The following NPHP4 variants were observed in gnomAD, a reference collection of about 807,000 sequenced individuals.
NPHP4 encodes nephrocystin-4.
In NPHP4, 151 loss-of-function variants were observed where a neutral mutation model predicts 155.8. The ratio of observed to expected loss-of-function variants is 0.97; its 90% confidence interval spans 0.85 to 1.11. The LOEUF is 1.11. NPHP4 is among the 50% of genes least tolerant of loss of function. The pLI is 0.00. For missense variants in NPHP4, 1,956 were observed against 1,925.7 expected (o/e 1.02, Z -0.29); for synonymous variants, 845 against 816.8 (o/e 1.03, Z -0.59).
chr1:5,883,792 G>A (rs1643524665), intron 18 of NPHP4, among the ~76,000 whole-genome samples: 1 of 152,202 alleles, frequency 6.6e-6, no homozygotes, highest in African/African-American at 2.4e-5. Context: ...GACTGAAGTG[G>A]GCACTGGTCT....
chr1:5,949,947 G>A (rs1460547358), intron 7 of NPHP4, among the ~76,000 whole-genome samples: 1 of 152,154 alleles, frequency 6.6e-6, no homozygotes, highest in East Asian at 1.9e-4. Context: ...GAGCCTAGGT[G>A]TCAGTCCAAG....
At chr1:5,926,125 T>C (rs1417852980) in intron 11 of NPHP4, among the ~76,000 whole-genome samples, 2 of 152,168 alleles carry the variant, frequency 1.3e-5, no homozygotes, top group Admixed American at 6.5e-5. Context: ...GTGCCGTTTA[T>C]AAAGATGGGA....
At position 5,890,266 on chromosome 1, in the gene NPHP4, G is replaced by A. The variant is rs1352300318; in HGVS notation, c.2304+602C>T. ...AAGTCTCAGGACACCATGGTAGCGT[G>A]TGAAACTGGCCCCAGTCCTTGGCCC... On this transcript the variant is annotated intron_variant, in intron 17 of 29. Transcript: ENST00000378156. This position sits in a 1 kb window ranked among gnomAD's most constrained non-coding sequence, Gnocchi z 4.9. Among the ~76,000 whole-genome samples, 1 of 152,208 alleles carries A rather than the reference G, an allele frequency of 6.6e-6. No homozygotes were observed. Among genetic ancestry groups the A allele is most frequent in the African/African-American group, 2.4e-5 (1 of 41,444 alleles).
chr1:5,903,079 C>G (rs928592434), intron 16 of NPHP4, among the ~76,000 whole-genome samples: 1 of 152,172 alleles, frequency 6.6e-6, no homozygotes, highest in Non-Finnish European at 1.5e-5. Flanking sequence ...TGCATATTCT[C>G]TAAACGGGAT....
At chr1:5,901,823 T>A (rs1351764423) in intron 16 of NPHP4, among the ~76,000 whole-genome samples, 1 of 152,214 alleles carries the variant, frequency 6.6e-6, no homozygotes, top group African/African-American at 2.4e-5. Context: ...TGATCCATTT[T>A]ACAGCCTTCT....
At chr1:5,891,353 C>T (rs889669524) in intron 16 of NPHP4, among the ~76,000 whole-genome samples, 3 of 152,216 alleles carry the variant, frequency 2.0e-5, no homozygotes, top group Non-Finnish European at 2.9e-5. Context: ...TTATTCTGGG[C>T]GTGTAGAATT....
chr1:5,924,102 T>C (rs533195649), intron 11 of NPHP4, among the ~76,000 whole-genome samples: 1 of 152,206 alleles, frequency 6.6e-6, no homozygotes, highest in South Asian at 2.1e-4. Flanking sequence ...ATGAAAAGTA[T>C]ACTGAAAAGG....
intron 6 of NPHP4, among the ~76,000 whole-genome samples, chr1:5,961,452 T>TCAGGTCACTGATATGA (rs1553193178): frequency 6.6e-6 from 1 of 152,232 alleles, no homozygotes; most frequent in Non-Finnish European, 1.5e-5. Context: ...ATCATGATCA[T>TCAGGTCACTGATATGA]CAGGTCACTG....
At position 5,887,310 on chromosome 1, in the gene NPHP4, G is replaced by A. The variant is rs776899401; in HGVS notation, c.2461C>T (p.Leu821=). The change falls in exon 18 of 30, where the codon CTG becomes TTG. Residue 821 remains leucine (L), a synonymous_variant. Transcript: ENST00000378156. ...CCCACGTTGGCCAAAGTCAGGTGCA[G>A]CCGGCCCTTCACCACCGAGTGGACG... is the stretch of plus-strand genomic sequence containing the variant. ...IGVHSVVKGR[L]HLTLANVGHP... The A allele has an allele frequency of 4.3e-6, 7 of 1,613,378 alleles. No homozygotes were observed. Among genetic ancestry groups the A allele is most frequent in the South Asian group, 2.2e-5 (2 of 91,034 alleles).
At chr1:5,989,828 G>A (rs1465799407) in intron 1 of NPHP4, among the ~76,000 whole-genome samples, 1 of 152,216 alleles carries the variant, frequency 6.6e-6, no homozygotes, top group Non-Finnish European at 1.5e-5. Flanking sequence ...CACTGCTGAA[G>A]GACGTGCATA....
At chr1:5,937,607 T>C (rs1490422453) in intron 9 of NPHP4, among the ~76,000 whole-genome samples, 1 of 151,910 alleles carries the variant, frequency 6.6e-6, no homozygotes, top group Non-Finnish European at 1.5e-5. Flanking sequence ...ATGGCGGCCG[T>C]TCTCTGGGTA....
intron 10 of NPHP4, among the ~76,000 whole-genome samples, chr1:5,928,718 A>C (rs1323344893): frequency 6.6e-6 from 1 of 152,224 alleles, no homozygotes; most frequent in Non-Finnish European, 1.5e-5. Context: ...TGATTCCTCC[A>C]ACTTTACTGT....
chr1:5,951,077 A>C (rs1647897131), intron 7 of NPHP4, among the ~76,000 whole-genome samples: 1 of 152,198 alleles, frequency 6.6e-6, no homozygotes, highest in Non-Finnish European at 1.5e-5. Flanking sequence ...TACTGTTTAG[A>C]GATGCATCGA....
chr1:5,949,370 A>ACACACACACACAC (rs55949618), intron 7 of NPHP4, among the ~76,000 whole-genome samples: 15 of 149,228 alleles, frequency 1.0e-4, no homozygotes, highest in South Asian at 2.1e-4. Context: ...ACACACACAC[A>ACACACACACACAC]ACTTGCTAAC....
rs775612958 is a variant in NPHP4, at chr1:5,865,152, G to A, written c.3766C>T (p.Gln1256Ter). ...TRLSLVLRGT[Q>*]TVRKVRAFTS... The stretch of plus-strand genomic sequence containing the variant: ...AAAGCTCTCACTTTCCTCACTGTCT[G>A]TGTCCCCCGAAGGACAAGGGACAGG... The change falls in exon 27 of 30, where the codon CAG becomes TAG. Residue 1256 changes from glutamine to a stop codon, truncating the protein, a stop_gained. Coordinates refer to ENST00000378156, the MANE Select transcript of NPHP4 (RefSeq NM_015102.5). LOFTEE classifies it high-confidence loss of function. 4 of 1,613,562 alleles carry A rather than the reference G, an allele frequency of 2.5e-6. No individual in the cohort carries two copies. The highest frequency in any genetic ancestry group is 3.4e-6 in the Non-Finnish European group (4 of 1,179,832).
chr1:5,880,463 T>G (rs1172952477), intron 18 of NPHP4: 1 of 528,476 alleles, frequency 1.9e-6, no homozygotes, highest in Non-Finnish European at 3.4e-6. Flanking sequence ...GCCGTGTCAG[T>G]GGCAGCCTCC....
intron 16 of NPHP4, among the ~76,000 whole-genome samples, chr1:5,893,295 G>GC (rs1644231710): frequency 6.6e-6 from 1 of 152,104 alleles, no homozygotes; most frequent in African/African-American, 2.4e-5. Context: ...CCACCAATGC[G>GC]CAGAGACCGG....
chr1:5,873,166 C>G, intron 23 of NPHP4, 86 bp downstream of exon 23: 1 of 1,227,330 alleles, frequency 8.1e-7, no homozygotes, highest in Non-Finnish European at 1.2e-6. Flanking sequence ...CCCTCCCCTC[C>G]AGGAGGGGAG....
intron 1 of NPHP4, among the ~76,000 whole-genome samples, chr1:5,991,809 G>A (rs949551940): frequency 3.9e-5 from 6 of 152,088 alleles, no homozygotes; most frequent in African/African-American, 1.4e-4. Flanking sequence ...GGCGCGGCCA[G>A]GCGGGGTCCG....
Sources: allele counts gnomAD v4.1 joint callset (sites outside exome capture counted in the v4.1 genomes callset), GRCh38; gene constraint gnomAD v4.1.1; non-coding constraint Gnocchi (gnomAD v3.1); transcripts MANE v1.5; gene names NCBI Gene and HGNC (gene_info 2026-07-23, HGNC 2026-07-21).